The following PATJ variants were observed in gnomAD, a reference collection of about 807,000 sequenced individuals.
The protein encoded by PATJ is PATJ crumbs cell polarity complex component.
In PATJ, 190 loss-of-function variants were observed where a neutral mutation model predicts 224.9. The ratio of observed to expected loss-of-function variants is 0.84; its 90% CI spans 0.75 to 0.95. The LOEUF is 0.95. PATJ is among the 40% of genes least tolerant of loss of function. PATJ has a pLI of 0.00. For synonymous variants in PATJ, 769 were observed against 820.3 expected (o/e 0.94, Z 1.07); for missense variants, 2,121 against 2,270.3 (o/e 0.93, Z 1.34).
chr1:62,000,959 C>T (rs2149605800), intron 28 of PATJ, among the ~76,000 whole-genome samples: 1 of 151,374 alleles, frequency 6.6e-6, no homozygotes, highest in African/African-American at 2.4e-5. Flanking sequence ...TGATGATGAG[C>T]ATTTTTTCAT....
intron 24 of PATJ, among the ~76,000 whole-genome samples, chr1:61,906,729 C>G (rs781194209): frequency 6.6e-6 from 1 of 152,168 alleles, no homozygotes; most frequent in Non-Finnish European, 1.5e-5. Context: ...AAGTGCAGCT[C>G]TGCTTATTCC....
chr1:62,039,094 C>A (rs923641319), intron 30 of PATJ: 2 of 736,330 alleles, frequency 2.7e-6, no homozygotes, highest in East Asian at 5.5e-5. Context: ...AGTGGCAGTA[C>A]ACAAAATGGC....
At chr1:62,017,743 A>AAAAAAAAG in intron 28 of PATJ, 113 bp from the exon 29 acceptor site, 1 of 516,386 alleles carries the variant, frequency 1.9e-6, no homozygotes, top group South Asian at 2.9e-5. Flanking sequence ...AAAAAAAAAA[A>AAAAAAAAG]AAAAGAAAAG....
Position 61,746,531 on chromosome 1 carries a change from A to G in PATJ, c.-36+3976A>G, listed in dbSNP as rs139471196. On this transcript the variant is annotated intron_variant, in intron 1 of 43. Transcript: ENST00000642238. ...CTGAGACTTAAAGCACCCCAACAGT[A>G]TAATAAAAGACTGTAACAAGAGTTA... Among the ~76,000 whole-genome samples the G allele has an allele frequency of 4.0e-3, 602 of 152,352 alleles. 3 individuals are homozygous for G. The highest frequency in any genetic ancestry group is 0.013 in the African/African-American group (561 of 41,584).
chr1:61,856,148 G>GT lies in PATJ; in HGVS notation c.2234dup (p.Leu745PhefsTer8). 6.2e-7 allele frequency: 1 copy of GT among 1,614,166 alleles called. No homozygotes were observed. ...CGCCTGGTCTCAGTCAATGAATACT[G>GT]TTTGGACAACACCTCACTTGCTGAA... On this transcript the variant is annotated frameshift_variant, in exon 18 of 44. Transcript: ENST00000642238. LOFTEE classifies it high-confidence loss of function.
At chr1:62,073,443 C>A in intron 31 of PATJ, 2 of 387,624 alleles carry the variant, frequency 5.2e-6, no homozygotes, top group African/African-American at 2.2e-5. Flanking sequence ...GCCAACATAG[C>A]AAGTCTGCTA....
intron 14 of PATJ, among the ~76,000 whole-genome samples, chr1:61,814,547 T>TGTGTGTGTGTGCGC (rs370488022): frequency 1.0e-3 from 149 of 142,560 alleles, no homozygotes; most frequent in African/African-American, 3.8e-3. Flanking sequence ...TGTGTGTGTG[T>TGTGTGTGTGTGCGC]GCGCGCGCGC....
intron 33 of PATJ, among the ~76,000 whole-genome samples, chr1:62,099,640 G>A (rs1661901381): frequency 6.6e-6 from 1 of 152,042 alleles, no homozygotes; most frequent in Non-Finnish European, 1.5e-5. Flanking sequence ...TGCAAGCAGT[G>A]TAATTAAGCC....
chr1:62,107,786 A>G (rs970058374), intron 33 of PATJ, among the ~76,000 whole-genome samples: 12 of 152,218 alleles, frequency 7.9e-5, no homozygotes, highest in African/African-American at 2.9e-4. Context: ...TTCATTAACT[A>G]TGAAACACTT....
intron 27 of PATJ, among the ~76,000 whole-genome samples, chr1:61,959,437 TTC>T (rs201283262): frequency 0.028 from 1,618 of 58,534 alleles, 39 homozygotes; most frequent in African/African-American, 0.074. Context: ...TTTTTTTCTT[TTC>T]TTTTTTTTTT....
At chr1:61,914,387 C>T (rs138003564) in intron 25 of PATJ, among the ~76,000 whole-genome samples, 200 bp from the exon 26 acceptor site, 14 of 152,064 alleles carry the variant, frequency 9.2e-5, no homozygotes, top group African/African-American at 2.9e-4. Flanking sequence ...ACCCAGGAGG[C>T]GGAGGTTACA....
At chr1:61,951,602 A>C (rs922204708) in intron 27 of PATJ, among the ~76,000 whole-genome samples, 1 of 152,014 alleles carries the variant, frequency 6.6e-6, no homozygotes, top group African/African-American at 2.4e-5. Context: ...AGAAATCTCA[A>C]CCATTTTTCT....
intron 7 of PATJ, among the ~76,000 whole-genome samples, chr1:61,782,627 A>G (rs530415519): frequency 6.6e-6 from 1 of 152,312 alleles, no homozygotes; most frequent in African/African-American, 2.4e-5. Flanking sequence ...ACAATGTCCA[A>G]TCAGTTAATA....
chr1:61,981,795 C>T (rs2149504812), intron 27 of PATJ, among the ~76,000 whole-genome samples: 1 of 151,974 alleles, frequency 6.6e-6, no homozygotes, highest in South Asian at 2.1e-4. Flanking sequence ...CCTCAGCCTC[C>T]CGAGTAGCTG....
At chr1:62,144,796 A>ATATATATATATATAT (rs1204098847) in intron 41 of PATJ, among the ~76,000 whole-genome samples, 6 of 145,104 alleles carry the variant, frequency 4.1e-5, no homozygotes, top group African/African-American at 7.7e-5. Context: ...ATATATATAT[A>ATATATATATATATAT]ATTAGCAGAA....
intron 34 of PATJ, among the ~76,000 whole-genome samples, chr1:62,111,663 C>CTTT (rs35549430): frequency 2.8e-5 from 4 of 142,374 alleles, no homozygotes; most frequent in Non-Finnish European, 4.6e-5. Context: ...AACCCATGTT[C>CTTT]TTTTTTTTTT....
At chr1:61,815,716 T>G (rs889175943) in intron 14 of PATJ, among the ~76,000 whole-genome samples, 1 of 152,134 alleles carries the variant, frequency 6.6e-6, no homozygotes, top group African/African-American at 2.4e-5. Context: ...TCTTCATATA[T>G]TATGGGCTAA....
At chr1:62,103,077 A>G (rs1047096336) in intron 33 of PATJ, among the ~76,000 whole-genome samples, 1 of 152,044 alleles carries the variant, frequency 6.6e-6, no homozygotes, top group African/African-American at 2.4e-5. Context: ...CTGTAAAATA[A>G]TCAACTCACG....
At chr1:62,147,829 G>C (rs1455055257) in intron 41 of PATJ, among the ~76,000 whole-genome samples, 1 of 151,760 alleles carries the variant, frequency 6.6e-6, no homozygotes, top group South Asian at 2.1e-4. Flanking sequence ...CAGGCATGGT[G>C]GTGGGTGCCT....
Sources: gnomAD v4.1 joint callset for allele counts (sites outside exome capture counted in the v4.1 genomes callset) on GRCh38, gnomAD v4.1.1 for gene constraint, MANE v1.5 for transcripts, NCBI Gene and HGNC (gene_info 2026-07-23, HGNC 2026-07-21) for gene names.